OPCML: variants seen among roughly 807,000 people sequenced by gnomAD.
The protein encoded by OPCML is opioid-binding protein/cell adhesion molecule.
A neutral mutation model predicts 37.8 loss-of-function variants in OPCML; 13 were observed. The observed-to-expected ratio is 0.34, with a 90% CI of 0.22 to 0.55. OPCML has a LOEUF of 0.55. Among genes scored for constraint, OPCML ranks in the 20% least tolerant of loss-of-function variants. The pLI is 0.91. For missense variants in OPCML, 341 were observed against 435.6 expected, an observed-to-expected ratio of 0.78 and a Z score of 1.93; for synonymous variants, 176 against 168.8, an observed-to-expected ratio of 1.04 and a Z score of -0.33.
At chr11:132,808,264 A>T (rs2136219401) in intron 2 of OPCML, among the ~76,000 whole-genome samples, 1 of 152,360 alleles carries the variant, frequency 6.6e-6, no homozygotes, top group Middle Eastern at 3.4e-3. Flanking sequence ...GAGACACTAT[A>T]GCACGGTGGG....
intron 1 of OPCML, among the ~76,000 whole-genome samples, chr11:133,188,767 A>ATCTTGC (rs2136297741): frequency 6.6e-6 from 1 of 152,266 alleles, no homozygotes; most frequent in Admixed American, 6.5e-5. Context: ...GAAGATCTAT[A>ATCTTGC]AATTATCCTT....
chr11:132,948,500 A>T (rs753953771), intron 1 of OPCML, among the ~76,000 whole-genome samples: 2 of 152,150 alleles, frequency 1.3e-5, no homozygotes, highest in Non-Finnish European at 2.9e-5. Context: ...GTGTGTGAGC[A>T]TTAGATAAAA....
intron 1 of OPCML, among the ~76,000 whole-genome samples, chr11:133,214,534 A>T (rs496848): frequency 0.53 from 80,045 of 152,046 alleles, 23,010 homozygotes; most frequent in African/African-American, 0.75. Context: ...TAGTCTTTCC[A>T]TAATTTTTCA....
At chr11:133,419,217 T>C (rs1945831957) in intron 1 of OPCML, 1 of 984,686 alleles carries the variant, frequency 1.0e-6, no homozygotes, top group African/African-American at 1.7e-5. Flanking sequence ...CAGGAGACCC[T>C]GTGAGGTAAT....
At chr11:133,367,157 C>A (rs966998325) in intron 1 of OPCML, among the ~76,000 whole-genome samples, 7 of 152,180 alleles carry the variant, frequency 4.6e-5, no homozygotes, top group South Asian at 2.1e-4. Context: ...TTTTTTATTT[C>A]TAATACAGAG....
At chr11:132,485,328 G>A (rs1156999535) in intron 4 of OPCML, among the ~76,000 whole-genome samples, 1 of 152,176 alleles carries the variant, frequency 6.6e-6, no homozygotes, top group Non-Finnish European at 1.5e-5. Context: ...CTGTAGGAGA[G>A]AGGGGGTTCC....
At chr11:132,524,588 G>C (rs2096303110) in intron 4 of OPCML, among the ~76,000 whole-genome samples, 1 of 152,164 alleles carries the variant, frequency 6.6e-6, no homozygotes, top group African/African-American at 2.4e-5. Context: ...AAACCCCAAA[G>C]GGACGTTTGC....
intron 3 of OPCML, among the ~76,000 whole-genome samples, chr11:132,648,789 C>A (rs1941283635): frequency 6.6e-6 from 1 of 152,172 alleles, no homozygotes; most frequent in Admixed American, 6.5e-5. Context: ...AGCGGAAGTG[C>A]TGCCTCTTGC....
intron 2 of OPCML, among the ~76,000 whole-genome samples, chr11:132,698,626 T>C (rs928949043): frequency 1.3e-5 from 2 of 152,182 alleles, no homozygotes; most frequent in African/African-American, 4.8e-5. Flanking sequence ...TGTATATGTC[T>C]TTTAGTTTGA....
chr11:132,567,922 A>G (rs1437357682), intron 3 of OPCML, among the ~76,000 whole-genome samples: 2 of 152,180 alleles, frequency 1.3e-5, no homozygotes, highest in Non-Finnish European at 2.9e-5. Flanking sequence ...CCATTCACAG[A>G]CAGAAGCCTG....
At chr11:132,771,410 A>T (rs539866597) in intron 2 of OPCML, among the ~76,000 whole-genome samples, 9 of 152,334 alleles carry the variant, frequency 5.9e-5, no homozygotes, top group Non-Finnish European at 1.0e-4. Context: ...CAATTAGCCG[A>T]TTATTCAGCA....
chr11:133,233,993 G>A (rs778573275), intron 1 of OPCML, among the ~76,000 whole-genome samples: 1 of 152,110 alleles, frequency 6.6e-6, no homozygotes, highest in Non-Finnish European at 1.5e-5. Context: ...TTCCAGCTAT[G>A]TTAGATAATG....
At chr11:132,995,105 T>C (rs1470905845) in intron 1 of OPCML, among the ~76,000 whole-genome samples, 1 of 152,144 alleles carries the variant, frequency 6.6e-6, no homozygotes, top group Non-Finnish European at 1.5e-5. Flanking sequence ...CATCTGCAAC[T>C]AAGAAAGTAG....
intron 2 of OPCML, among the ~76,000 whole-genome samples, chr11:132,931,321 G>A (rs1490961285): frequency 6.6e-6 from 1 of 151,986 alleles, no homozygotes; most frequent in African/African-American, 2.4e-5. Context: ...AAGATAAATT[G>A]GACTACAGTA....
intron 1 of OPCML, among the ~76,000 whole-genome samples, chr11:133,156,460 G>A (rs554021218): frequency 1.2e-4 from 18 of 152,220 alleles, no homozygotes; most frequent in East Asian, 5.8e-4. Context: ...CAGAACCTAC[G>A]CCAAGAGACC....
At chr11:132,902,590 G>A (rs1261920254) in intron 2 of OPCML, among the ~76,000 whole-genome samples, 1 of 152,060 alleles carries the variant, frequency 6.6e-6, no homozygotes, top group Non-Finnish European at 1.5e-5. Flanking sequence ...GGCTTGTTGG[G>A]GCTCAGAAAA....
At chr11:133,117,360 C>T (rs892466583) in intron 1 of OPCML, among the ~76,000 whole-genome samples, 3 of 152,174 alleles carry the variant, frequency 2.0e-5, no homozygotes, top group African/African-American at 7.2e-5. Context: ...TAGGTGTTCT[C>T]ATTGCCCTTG....
At chr11:133,526,521 A>G (rs4372469) in intron 1 of OPCML, among the ~76,000 whole-genome samples, 128,342 of 152,194 alleles carry the variant, frequency 0.84, 54,672 homozygotes, top group East Asian at 1. Context: ...AGAGGAAGGC[A>G]GTAGCAAGCA....
At chr11:133,416,242 A>G (rs963917795) in intron 1 of OPCML, among the ~76,000 whole-genome samples, 4 of 152,214 alleles carry the variant, frequency 2.6e-5, no homozygotes, top group Non-Finnish European at 4.4e-5. Context: ...TTGATGGACC[A>G]TACACAGCAG....
Sources: allele counts gnomAD v4.1 joint callset (sites outside exome capture counted in the v4.1 genomes callset), GRCh38; gene constraint gnomAD v4.1.1; transcripts MANE v1.5; gene names NCBI Gene and HGNC (gene_info 2026-07-23, HGNC 2026-07-21).